Variants in MIPOL1 observed in about 807,000 individuals in gnomAD.
MIPOL1 encodes the protein mirror-image polydactyly gene 1 protein.
Under a neutral mutation model 60.9 loss-of-function variants are expected in MIPOL1, and 57 were observed. The ratio of observed to expected loss-of-function variants is 0.94; its 90% CI spans 0.76 to 1.17. The LOEUF is 1.17. MIPOL1 is among the 50% of genes most tolerant of loss of function. The pLI is 0.00. For missense variants in MIPOL1, 551 were observed against 511.6 expected (o/e 1.08, Z -0.74); for synonymous variants, 179 against 168.8 (o/e 1.06, Z -0.47).
intron 11 of MIPOL1, among the ~76,000 whole-genome samples, chr14:37,460,609 C>A (rs1410202123): frequency 6.6e-6 from 1 of 152,036 alleles, no homozygotes; most frequent in African/African-American, 2.4e-5. Flanking sequence ...CCTAGAAAAC[C>A]CTGATGGCAC....
chr14:37,470,996 G>T (rs2094681470), intron 11 of MIPOL1, among the ~76,000 whole-genome samples: 1 of 152,112 alleles, frequency 6.6e-6, no homozygotes, highest in African/African-American at 2.4e-5. Flanking sequence ...TGGTTATAGT[G>T]TTCACTGTTT....
At chr14:37,401,539 C>T (rs1033035597) in intron 10 of MIPOL1, 2 of 152,058 alleles carry the variant, frequency 1.3e-5, no homozygotes, top group Admixed American at 6.6e-5. Flanking sequence ...TATTGGAAAA[C>T]AAGACAGTGC....
intron 10 of MIPOL1, among the ~76,000 whole-genome samples, chr14:37,421,519 G>A (rs1273710155): frequency 1.3e-5 from 2 of 151,984 alleles, no homozygotes; most frequent in East Asian, 3.9e-4. Flanking sequence ...ATTCTTTGAC[G>A]TTAAGAATCA....
chr14:37,338,430 A>C, intron 9 of MIPOL1, among the ~76,000 whole-genome samples: 1 of 150,668 alleles, frequency 6.6e-6, no homozygotes, highest in African/African-American at 2.4e-5. Flanking sequence ...TTTTTTTGAG[A>C]CAGAATCTCG....
chr14:37,248,632 C>A (rs916527150), intron 3 of MIPOL1, among the ~76,000 whole-genome samples: 1 of 151,182 alleles, frequency 6.6e-6, no homozygotes, highest in Non-Finnish European at 1.5e-5. Flanking sequence ...ATATCTATAT[C>A]TATATATATA....
intron 10 of MIPOL1, among the ~76,000 whole-genome samples, chr14:37,393,786 G>A (rs1451574069): frequency 6.6e-6 from 1 of 150,662 alleles, no homozygotes; most frequent in Non-Finnish European, 1.5e-5. Context: ...TGAAATTTTG[G>A]TGCACCCATC....
chr14:37,430,059 C>T (rs1017092185), intron 11 of MIPOL1, among the ~76,000 whole-genome samples: 4 of 152,166 alleles, frequency 2.6e-5, no homozygotes, highest in Non-Finnish European at 1.5e-5. Flanking sequence ...TTGGCCTACC[C>T]GGTGACATAA....
At chr14:37,486,966 T>G (rs970893172) in intron 11 of MIPOL1, among the ~76,000 whole-genome samples, 1 of 152,196 alleles carries the variant, frequency 6.6e-6, no homozygotes, top group East Asian at 1.9e-4. Flanking sequence ...ATATTGACTG[T>G]GGGTTTGTCA....
chr14:37,381,419 A>G (rs1165319308), intron 10 of MIPOL1, among the ~76,000 whole-genome samples: 2 of 152,030 alleles, frequency 1.3e-5, no homozygotes, highest in East Asian at 3.9e-4. Flanking sequence ...TCTCTGATAT[A>G]TTTTTGGAAA....
chr14:37,527,673 A>T (rs1233981801), intron 12 of MIPOL1, among the ~76,000 whole-genome samples: 4 of 152,096 alleles, frequency 2.6e-5, no homozygotes, highest in Admixed American at 2.0e-4. Flanking sequence ...TTAACTGTAT[A>T]AAAAACTCTG....
chr14:37,512,183 A>ACG (rs2095333284), intron 12 of MIPOL1, among the ~76,000 whole-genome samples: 1 of 151,690 alleles, frequency 6.6e-6, no homozygotes, highest in Non-Finnish European at 1.5e-5. Context: ...ACACACACAC[A>ACG]GCTGTTTAAA....
intron 11 of MIPOL1, among the ~76,000 whole-genome samples, chr14:37,445,732 T>C (rs968745230): frequency 6.6e-6 from 1 of 151,490 alleles, no homozygotes; most frequent in East Asian, 1.9e-4. Context: ...GAGATATAGA[T>C]CAATGGAACA....
intron 9 of MIPOL1, among the ~76,000 whole-genome samples, chr14:37,353,013 G>C (rs1269869525): frequency 7.5e-6 from 1 of 133,950 alleles, no homozygotes; most frequent in African/African-American, 2.8e-5. Flanking sequence ...TCCAGTTTTT[G>C]CCCATTCAGT....
chr14:37,434,200 T>G (rs991132114), intron 11 of MIPOL1, among the ~76,000 whole-genome samples: 1 of 152,152 alleles, frequency 6.6e-6, no homozygotes, highest in African/African-American at 2.4e-5. Flanking sequence ...CTCTGTTGTT[T>G]CCTGGCTTTT....
intron 11 of MIPOL1, among the ~76,000 whole-genome samples, chr14:37,442,005 G>A (rs1445140387): frequency 6.6e-6 from 1 of 152,042 alleles, no homozygotes; most frequent in African/African-American, 2.4e-5. Context: ...GATTGCAGGT[G>A]TGAGCCACCA....
At chr14:37,475,828 G>A (rs1038138135) in intron 11 of MIPOL1, among the ~76,000 whole-genome samples, 4 of 152,144 alleles carry the variant, frequency 2.6e-5, no homozygotes, top group South Asian at 4.1e-4. Flanking sequence ...TTACCATAGC[G>A]GTATAGTAAG....
intron 10 of MIPOL1, among the ~76,000 whole-genome samples, chr14:37,409,226 C>A (rs895519767): frequency 6.6e-6 from 1 of 152,042 alleles, no homozygotes; most frequent in Non-Finnish European, 1.5e-5. Context: ...AGGAAGAAAA[C>A]CATCATGAGT....
intron 9 of MIPOL1, among the ~76,000 whole-genome samples, chr14:37,358,536 G>A (rs1340510660): frequency 6.6e-6 from 1 of 152,136 alleles, no homozygotes; most frequent in Non-Finnish European, 1.5e-5. Flanking sequence ...ATTCTAACTG[G>A]TGTGAGATGG....
At chr14:37,337,360 T>A (rs536116930) in intron 9 of MIPOL1, among the ~76,000 whole-genome samples, 61 of 57,594 alleles carry the variant, frequency 1.1e-3, no homozygotes, top group South Asian at 2.7e-3. Context: ...ATATATATTT[T>A]TTTTTTTTTT....
Sources: gnomAD v4.1 joint callset for allele counts (sites outside exome capture counted in the v4.1 genomes callset) on GRCh38, gnomAD v4.1.1 for gene constraint, MANE v1.5 for transcripts, NCBI Gene and HGNC (gene_info 2026-07-23, HGNC 2026-07-21) for gene names.